BICC1: variants seen among roughly 807,000 people sequenced by gnomAD.
BICC1 encodes the protein BicC family RNA binding protein 1, also known as protein bicaudal C homolog 1.
BICC1 carries 43 observed loss-of-function variants against 111.0 expected under a neutral mutation model. The observed-to-expected ratio is 0.39, with a 90% CI of 0.30 to 0.50. BICC1 has a LOEUF of 0.50. BICC1 is among the 20% of genes least tolerant of loss of function. BICC1 has a pLI of 0.88. For missense variants in BICC1, 1,091 were observed against 1,203.2 expected (o/e 0.91, Z 1.38); for synonymous variants, 467 against 434.4 (o/e 1.07, Z -0.93).
chr10:58,644,469 G>T (rs965212138), intron 2 of BICC1, among the ~76,000 whole-genome samples: 1 of 152,116 alleles, frequency 6.6e-6, no homozygotes, highest in African/African-American at 2.4e-5. Context: ...AGTCTGTGCA[G>T]CACAGAAACA....
At chr10:58,627,786 C>T (rs1254973660) in intron 2 of BICC1, among the ~76,000 whole-genome samples, 3 of 151,928 alleles carry the variant, frequency 2.0e-5, no homozygotes, top group Non-Finnish European at 2.9e-5. Flanking sequence ...TAATATATTA[C>T]GTAGAACATT....
At chr10:58,717,461 TAATGTTTTAA>T (rs1840783712) in intron 3 of BICC1, among the ~76,000 whole-genome samples, 1 of 152,200 alleles carries the variant, frequency 6.6e-6, no homozygotes, top group South Asian at 2.1e-4. Flanking sequence ...TTAGTAAATG[TAATGTTTTAA>T]AAGTTTATTG....
At chr10:58,759,146 G>A (rs1307719377) in intron 3 of BICC1, among the ~76,000 whole-genome samples, 1 of 151,828 alleles carries the variant, frequency 6.6e-6, no homozygotes, top group Non-Finnish European at 1.5e-5. Context: ...TTTTAGTAGG[G>A]ACGGGGTTTT....
intron 2 of BICC1, among the ~76,000 whole-genome samples, chr10:58,667,351 T>C (rs143543283): frequency 1.4e-4 from 21 of 152,216 alleles, no homozygotes; most frequent in African/African-American, 4.6e-4. Context: ...GTATGAGGTA[T>C]TTGAGGGAAT....
chr10:58,590,889 G>T (rs1372644204), intron 1 of BICC1, among the ~76,000 whole-genome samples: 2 of 152,188 alleles, frequency 1.3e-5, no homozygotes, highest in Non-Finnish European at 2.9e-5. Context: ...AGGAAACAGT[G>T]GGAAATGTTT....
At chr10:58,690,202 G>T (rs757220298) in intron 2 of BICC1, among the ~76,000 whole-genome samples, 1 of 152,150 alleles carries the variant, frequency 6.6e-6, no homozygotes, top group African/African-American at 2.4e-5. Flanking sequence ...AGAGGCAGTC[G>T]TGCCCACCAA....
At chr10:58,637,382 C>T (rs1209617447) in intron 2 of BICC1, among the ~76,000 whole-genome samples, 1 of 152,100 alleles carries the variant, frequency 6.6e-6, no homozygotes, top group African/African-American at 2.4e-5. Context: ...ACTGAACTTT[C>T]ATTTAGGATG....
chr10:58,513,750 ACT>A (rs1181338349), intron 1 of BICC1, among the ~76,000 whole-genome samples: 2 of 150,626 alleles, frequency 1.3e-5, no homozygotes, highest in Non-Finnish European at 3.0e-5. Context: ...CGTCTGTTTC[ACT>A]CTCTCCCCTT....
chr10:58,642,167 T>A (rs936719667), intron 2 of BICC1, among the ~76,000 whole-genome samples: 1 of 152,192 alleles, frequency 6.6e-6, no homozygotes, highest in Non-Finnish European at 1.5e-5. Context: ...AAGTGCTGAA[T>A]ACCTGGAAAA....
intron 3 of BICC1, among the ~76,000 whole-genome samples, chr10:58,718,765 T>TGTGTGTGTGTGTGC (rs369039194): frequency 5.4e-5 from 8 of 148,154 alleles, no homozygotes; most frequent in African/African-American, 1.7e-4. Context: ...TGTGTGTGTG[T>TGTGTGTGTGTGTGC]GCGCGCGCGC....
intron 1 of BICC1, 31 bp from the exon 2 acceptor site, chr10:58,620,817 TGAAAAAG>T: frequency 6.3e-7 from 1 of 1,599,188 alleles, no homozygotes; most frequent in Non-Finnish European, 8.5e-7. Flanking sequence ...ATGCATACAT[TGAAAAAG>T]TATTTTAAAT....
In BICC1 at chr10:58,793,548, T is replaced by C; in HGVS notation, c.1112T>C (p.Ile371Thr). The part of the protein sequence containing the change: ...KEEIEVDPQF[I>T]AQLMEQLDVF... ...GAAATTGAAGTAGATCCACAATTCA[T>C]TGCGCAGTTGATGGAACAGCTTGAT... is the stretch of plus-strand genomic sequence containing the variant. Residue 371 changes from isoleucine to threonine, a missense_variant, in exon 9 of 21, where the codon ATT becomes ACT. Physicochemically the swap from Ile to Thr is moderately conservative, Grantham distance 89 (BLOSUM62 -1). Coordinates refer to ENST00000373886, the MANE Select transcript of BICC1 (RefSeq NM_001080512.3). 6.2e-7 allele frequency: 1 copy of C among 1,613,766 alleles called. No homozygotes were observed. The highest frequency in any genetic ancestry group is 8.5e-7 in the Non-Finnish European group (1 of 1,179,760).
intron 15 of BICC1, among the ~76,000 whole-genome samples, chr10:58,805,280 G>A (rs903133177): frequency 2.0e-5 from 3 of 151,316 alleles, no homozygotes; most frequent in Non-Finnish European, 2.9e-5. Flanking sequence ...GCAACAGAGC[G>A]AGACTCTGTC....
chr10:58,791,311 A>G (rs1370879002), intron 8 of BICC1, among the ~76,000 whole-genome samples: 1 of 152,202 alleles, frequency 6.6e-6, no homozygotes, highest in African/African-American at 2.4e-5. Context: ...ATGCACATTT[A>G]TACTTTGACC....
At chr10:58,543,142 T>TA (rs145588390) in intron 1 of BICC1, among the ~76,000 whole-genome samples, 3,866 of 151,916 alleles carry the variant, frequency 0.025, 174 homozygotes, top group African/African-American at 0.089. Flanking sequence ...GAGACAGGGA[T>TA]AAAAAAATGT....
chr10:58,700,646 T>C (rs1840205372), intron 2 of BICC1, among the ~76,000 whole-genome samples: 1 of 152,156 alleles, frequency 6.6e-6, no homozygotes, highest in Non-Finnish European at 1.5e-5. Context: ...AATATTGCTC[T>C]GAGAAAAACA....
At chr10:58,537,138 T>C (rs1238959426) in intron 1 of BICC1, among the ~76,000 whole-genome samples, 2 of 151,742 alleles carry the variant, frequency 1.3e-5, no homozygotes, top group East Asian at 1.9e-4. Flanking sequence ...TACTAGACAT[T>C]AAAAGCAGAA....
At chr10:58,701,261 A>G (rs764889725) in intron 2 of BICC1, among the ~76,000 whole-genome samples, 8 of 152,136 alleles carry the variant, frequency 5.3e-5, no homozygotes, top group Non-Finnish European at 8.8e-5. Flanking sequence ...AGTTTGCTCT[A>G]TTAGTTTGGT....
At chr10:58,562,641 A>G (rs2131953679) in intron 1 of BICC1, among the ~76,000 whole-genome samples, 1 of 152,052 alleles carries the variant, frequency 6.6e-6, no homozygotes. Flanking sequence ...CAGTTACTGG[A>G]GAATAGTTTT....
Sources: gnomAD v4.1 joint callset for allele counts (sites outside exome capture counted in the v4.1 genomes callset) on GRCh38, gnomAD v4.1.1 for gene constraint, MANE v1.5 for transcripts, NCBI Gene and HGNC (gene_info 2026-07-23, HGNC 2026-07-21) for gene names.